LIMCH1: variants seen among roughly 807,000 people sequenced by gnomAD.
The protein encoded by LIMCH1 is LIM and calponin homology domains-containing protein 1.
A neutral mutation model predicts 176.5 loss-of-function variants in LIMCH1; 113 were observed. The ratio of observed to expected loss-of-function variants is 0.64; its 90% CI spans 0.55 to 0.75. LIMCH1 has a LOEUF of 0.75. Ranked by LOEUF, LIMCH1 falls within the 30% of genes least tolerant of loss-of-function variation. The probability of loss-of-function intolerance (pLI) is 0.00; values close to 1 mark genes in which losing one functional copy is unlikely to be tolerated. For missense variants in LIMCH1, 1,674 were observed against 1,814.9 expected, an observed-to-expected ratio of 0.92 and a Z score of 1.41; for synonymous variants, 619 against 645.9, an observed-to-expected ratio of 0.96 and a Z score of 0.63.
intron 18 of LIMCH1, among the ~76,000 whole-genome samples, chr4:41,658,494 G>A (rs1469981348): frequency 6.6e-6 from 1 of 152,152 alleles, no homozygotes; most frequent in East Asian, 1.9e-4. Context: ...TGGTATGCTG[G>A]TACAATAAGC....
Position 41,687,921 on chromosome 4 carries a change from C to A in LIMCH1, c.4166+4C>A. The A allele has an allele frequency of 6.2e-7, 1 of 1,611,990 alleles. No homozygotes were observed. Among genetic ancestry groups the A allele is most frequent in the East Asian group, 2.2e-5 (1 of 44,832 alleles). On this transcript the variant is annotated splice_donor_region_variant and intron_variant, in intron 29 of 31. Coordinates refer to ENST00000503057, the MANE Select transcript of LIMCH1 (RefSeq NM_001330672.2). Reference sequence around the variant, plus strand: ...CTCCCGGTCAGTCACCAAACAGGTACAAGAGGTCAGCAGGCCTTTCTGAGG... The same window carrying A: ...CTCCCGGTCAGTCACCAAACAGGTAAAAGAGGTCAGCAGGCCTTTCTGAGG...
chr4:41,416,085 G>A (rs988181285), intron 1 of LIMCH1, among the ~76,000 whole-genome samples: 2 of 152,122 alleles, frequency 1.3e-5, no homozygotes, highest in Non-Finnish European at 2.9e-5. Flanking sequence ...GTAAAGATTT[G>A]TTGAGTGATT....
At chr4:41,502,375 G>A (rs749224590) in intron 2 of LIMCH1, among the ~76,000 whole-genome samples, 12 of 151,974 alleles carry the variant, frequency 7.9e-5, no homozygotes, top group African/African-American at 2.2e-4. Context: ...GAACATATGC[G>A]TGCCTGTATC....
chr4:41,526,063 G>A lies in LIMCH1; in HGVS notation c.237+1585G>A, dbSNP rs547951106. Among the ~76,000 whole-genome samples, 5 of 152,240 alleles carry A rather than the reference G, an allele frequency of 3.3e-5. No individual in the cohort carries two copies. The South Asian group carries it at 1.0e-3, about 32-fold the overall frequency. ...GTAAAATTAACTGTTAGGGGCACATGCATTTGTCTTTATATTATTTCCTAT... is the reference window on the plus strand; with the variant it reads ...GTAAAATTAACTGTTAGGGGCACATACATTTGTCTTTATATTATTTCCTAT... On this transcript the variant is annotated intron_variant, in intron 3 of 26. Coordinates refer to the LIMCH1 transcript ENST00000313860.
intron 15 of LIMCH1, 99 bp from the exon 16 acceptor site, chr4:41,646,016 GCCCATAGT>G: frequency 8.9e-7 from 1 of 1,129,814 alleles, no homozygotes; most frequent in South Asian, 1.6e-5. Flanking sequence ...TAGTGCCTGG[GCCCATAGT>G]CAGTTCTCTA....
intron 1 of LIMCH1, among the ~76,000 whole-genome samples, chr4:41,554,979 A>G (rs1023287042): frequency 2.0e-5 from 3 of 152,182 alleles, no homozygotes; most frequent in Admixed American, 6.6e-5. Flanking sequence ...GGCATTATCC[A>G]CTTTGTGACA....
intron 1 of LIMCH1, among the ~76,000 whole-genome samples, chr4:41,379,255 G>A (rs1054131665): frequency 6.6e-6 from 1 of 152,186 alleles, no homozygotes; most frequent in Non-Finnish European, 1.5e-5. Flanking sequence ...GCTCCCTCAT[G>A]TGCCTGTATG....
At chr4:41,662,720 A>G (rs1004352558) in intron 19 of LIMCH1, 101 bp from the exon 20 acceptor site, 1 of 1,238,996 alleles carries the variant, frequency 8.1e-7, no homozygotes, top group Non-Finnish European at 1.2e-6. Flanking sequence ...CCAGGACGGG[A>G]TATGGACTGA....
At position 41,697,222 on chromosome 4, in the gene LIMCH1, T is replaced by C; in HGVS notation, c.*37T>C. 6.2e-7 allele frequency: 1 copy of C among 1,603,364 alleles called. No individual in the cohort carries two copies. The highest frequency in any genetic ancestry group is 8.5e-7 in the Non-Finnish European group (1 of 1,170,486). ...AGCTTCCGGATCACTCACCATTTCTTTACTGAGAGTGTCCCCTGGCAACTG... is the reference window on the plus strand; with the variant it reads ...AGCTTCCGGATCACTCACCATTTCTCTACTGAGAGTGTCCCCTGGCAACTG... On this transcript the variant is annotated 3_prime_UTR_variant, in exon 32 of 32. Coordinates refer to ENST00000503057, the MANE Select transcript of LIMCH1 (RefSeq NM_001330672.2).
chr4:41,645,535 G>T (rs2094018961), intron 15 of LIMCH1, among the ~76,000 whole-genome samples: 1 of 152,128 alleles, frequency 6.6e-6, no homozygotes, highest in Non-Finnish European at 1.5e-5. Flanking sequence ...ACAGAGCTGG[G>T]ATTATTTCCC....
At chr4:41,388,885 C>T (rs1360995984) in intron 1 of LIMCH1, among the ~76,000 whole-genome samples, 1 of 152,188 alleles carries the variant, frequency 6.6e-6, no homozygotes, top group Non-Finnish European at 1.5e-5. Flanking sequence ...TCAGGTGATC[C>T]ACCCGCCTCG....
chr4:41,556,882 C>G (rs554493324), intron 1 of LIMCH1, among the ~76,000 whole-genome samples: 1 of 152,194 alleles, frequency 6.6e-6, no homozygotes, highest in East Asian at 1.9e-4. Context: ...TTAAAATTCA[C>G]CACAGGATCT....
chr4:41,474,766 G>T (rs1277933571), intron 1 of LIMCH1, among the ~76,000 whole-genome samples: 1 of 152,128 alleles, frequency 6.6e-6, no homozygotes, highest in African/African-American at 2.4e-5. Flanking sequence ...ACAATAGGGA[G>T]GTTCCTCAAA....
At chr4:41,506,927 A>T (rs982001237) in intron 2 of LIMCH1, among the ~76,000 whole-genome samples, 4 of 152,032 alleles carry the variant, frequency 2.6e-5, no homozygotes, top group African/African-American at 9.7e-5. Context: ...GACTGCCCCC[A>T]CCCCTCATTT....
chr4:41,624,629 G>A (rs893299384), intron 7 of LIMCH1, among the ~76,000 whole-genome samples: 4 of 151,944 alleles, frequency 2.6e-5, no homozygotes, highest in Admixed American at 1.3e-4. Flanking sequence ...GAAGTTTCCA[G>A]TGTCACCCAG....
chr4:41,422,735 G>A (rs1341269890), intron 1 of LIMCH1, among the ~76,000 whole-genome samples: 1 of 152,016 alleles, frequency 6.6e-6, no homozygotes, highest in Non-Finnish European at 1.5e-5. Context: ...AGCAGATACG[G>A]ACATTTCTTT....
chr4:41,436,562 T>C (rs1211536851), intron 1 of LIMCH1, among the ~76,000 whole-genome samples: 2 of 152,190 alleles, frequency 1.3e-5, no homozygotes, highest in Non-Finnish European at 2.9e-5. Flanking sequence ...AAACAACTTT[T>C]CCATTTTATC....
At chr4:41,479,990 C>A (rs1235813009) in intron 1 of LIMCH1, among the ~76,000 whole-genome samples, 3 of 152,064 alleles carry the variant, frequency 2.0e-5, no homozygotes, top group African/African-American at 7.2e-5. Flanking sequence ...ATTGCAACCA[C>A]CTGATTTAGA....
At chr4:41,626,666 G>A (rs1474282332) in intron 7 of LIMCH1, 42 bp from the exon 8 acceptor site, 5 of 1,472,176 alleles carry the variant, frequency 3.4e-6, no homozygotes, top group Non-Finnish European at 1.8e-6. Context: ...AATTTTTTTT[G>A]TCTGATCACA....
Sources: allele counts gnomAD v4.1 joint callset (sites outside exome capture counted in the v4.1 genomes callset), GRCh38; gene constraint gnomAD v4.1.1; transcripts MANE v1.5; gene names NCBI Gene and HGNC (gene_info 2026-07-23, HGNC 2026-07-21).